Variants in AKAP6 observed in about 807,000 individuals in gnomAD.
AKAP6 encodes A-kinase anchoring protein 6.
A neutral mutation model predicts 188.5 loss-of-function variants in AKAP6; 58 were observed. The observed-to-expected ratio is 0.31, with a 90% CI of 0.25 to 0.38. AKAP6 has a LOEUF of 0.38. Ranked by LOEUF, AKAP6 falls within the 10% of genes least tolerant of loss-of-function variation. The probability of loss-of-function intolerance (pLI) is 1.00; values close to 1 mark genes in which losing one functional copy is unlikely to be tolerated. For missense variants in AKAP6, 2,710 were observed against 2,740.0 expected, an observed-to-expected ratio of 0.99 and a Z score of 0.24; for synonymous variants, 989 against 998.6, an observed-to-expected ratio of 0.99 and a Z score of 0.18.
chr14:32,500,523 A>AT lies in AKAP6; in HGVS notation c.325-35030dup, dbSNP rs1880558433. 4.6e-5 allele frequency among the ~76,000 whole-genome samples: 7 copies of AT among 152,136 alleles called. No individual in the cohort carries two copies. In the South Asian group the frequency reaches 1.4e-3, roughly 31 times the overall value. ...AAGGAGGGCACACTTACTATATGGG[A>AT]TGCATAGGTGCCAATGGTTGAAGTT... On this transcript the variant is annotated intron_variant, in intron 2 of 13. Transcript: ENST00000280979.
At chr14:32,714,113 T>C (rs769197317) in intron 9 of AKAP6, among the ~76,000 whole-genome samples, 1 of 152,028 alleles carries the variant, frequency 6.6e-6, no homozygotes, top group Non-Finnish European at 1.5e-5. Flanking sequence ...CAGAGAGAAC[T>C]GCTGGTGGGT....
At chr14:32,563,988 C>T (rs943902006) in intron 4 of AKAP6, among the ~76,000 whole-genome samples, 4 of 152,186 alleles carry the variant, frequency 2.6e-5, no homozygotes, top group East Asian at 1.9e-4. Context: ...GTGGGGGATT[C>T]GTTCCAAGAC....
At chr14:32,526,814 T>G (rs1178422236) in intron 2 of AKAP6, among the ~76,000 whole-genome samples, 1 of 152,186 alleles carries the variant, frequency 6.6e-6, no homozygotes, top group African/African-American at 2.4e-5. Context: ...CAGTTTAGAT[T>G]CACAGCAAAA....
intron 1 of AKAP6, among the ~76,000 whole-genome samples, chr14:32,430,211 G>A (rs975836311): frequency 5.9e-5 from 9 of 152,086 alleles, no homozygotes; most frequent in African/African-American, 2.2e-4. Flanking sequence ...TGAAATCTCT[G>A]GATAAATAAC....
chr14:32,821,777 AAG>A lies in AKAP6; in HGVS notation c.3967_3968del (p.Leu1324GlnfsTer2). On this transcript the variant is annotated frameshift_variant, in exon 13 of 14. Transcript: ENST00000280979. LOFTEE classifies it high-confidence loss of function. ...CATGACACAGCCTAATGTTTTAACT[AAG>A]AGTCTCAGTAAAGACTCTTCATTTT... ...TGMTQPNVLT[K>X]SLSKDSSFSS... The A allele has an allele frequency of 6.2e-7, 1 of 1,613,902 alleles. No homozygotes were observed. The highest frequency in any genetic ancestry group is 1.3e-5 in the African/African-American group (1 of 75,024).
At chr14:32,423,752 C>T (rs762990145) in intron 1 of AKAP6, among the ~76,000 whole-genome samples, 17 of 151,850 alleles carry the variant, frequency 1.1e-4, no homozygotes, top group Non-Finnish European at 2.2e-4. Context: ...ATTTTTACAA[C>T]GTTTTAACTA....
At chr14:32,694,868 A>C (rs1956208) in intron 8 of AKAP6, among the ~76,000 whole-genome samples, 19,738 of 152,244 alleles carry the variant, frequency 0.13, 1,393 homozygotes, top group African/African-American at 0.15. Flanking sequence ...TAAAATACTC[A>C]ACTGAAAAAT....
At chr14:32,774,335 A>G (rs1308762391) in intron 12 of AKAP6, among the ~76,000 whole-genome samples, 1 of 152,222 alleles carries the variant, frequency 6.6e-6, no homozygotes, top group Non-Finnish European at 1.5e-5. Flanking sequence ...AGATAATACA[A>G]CGAAATAAAG....
intron 8 of AKAP6, among the ~76,000 whole-genome samples, chr14:32,681,677 ATTTT>A (rs34833229): frequency 1.4e-5 from 2 of 138,172 alleles, no homozygotes; most frequent in Admixed American, 7.3e-5. Context: ...AATTTGACAA[ATTTT>A]TTTTTTTTTT....
At chr14:32,731,087 T>C (rs936436222) in intron 9 of AKAP6, among the ~76,000 whole-genome samples, 1 of 152,200 alleles carries the variant, frequency 6.6e-6, no homozygotes, top group Admixed American at 6.6e-5. Flanking sequence ...CATTCATTAA[T>C]AATATGAAAT....
rs1357522572 is a variant in AKAP6 at position 32,536,517 on chromosome 14, A to G, written c.576+712A>G. Among the ~76,000 whole-genome samples the G allele has an allele frequency of 2.0e-5, 3 of 152,226 alleles. No homozygotes were observed. The East Asian group carries it at 5.8e-4, about 29-fold the overall frequency. Reference sequence around the variant, plus strand: ...AGATCATGAAGATAAAGAGCTTTCTAAATCCATATTAAGAGATTTGGACTT... The same window carrying G: ...AGATCATGAAGATAAAGAGCTTTCTGAATCCATATTAAGAGATTTGGACTT... On this transcript the variant is annotated intron_variant, in intron 3 of 13. Coordinates refer to ENST00000280979, the MANE Select transcript of AKAP6 (RefSeq NM_004274.5).
chr14:32,541,171 C>G (rs1882935247), intron 3 of AKAP6, among the ~76,000 whole-genome samples: 2 of 152,072 alleles, frequency 1.3e-5, no homozygotes, highest in African/African-American at 2.4e-5. Context: ...GTTGGCCGGA[C>G]TGATATGGTG....
rs112105958 is a variant in AKAP6 at position 32,635,108 on chromosome 14, A to G, written c.2730+34316A>G. ...GCTAAATAAAGTGTATGTTCTGCCA[A>G]GGTCAAGTTGTATTATTTGAGACCC... On this transcript the variant is annotated intron_variant, in intron 7 of 13. Coordinates refer to ENST00000280979, the MANE Select transcript of AKAP6 (RefSeq NM_004274.5). 5.0e-3 allele frequency among the ~76,000 whole-genome samples: 754 copies of G among 152,156 alleles called. 9 individuals carry two copies. Among genetic ancestry groups the G allele is most frequent in the African/African-American group, 0.017 (700 of 41,538 alleles).
intron 11 of AKAP6, among the ~76,000 whole-genome samples, chr14:32,761,352 T>C (rs957138036): frequency 1.3e-5 from 2 of 152,208 alleles, no homozygotes; most frequent in South Asian, 4.1e-4. Context: ...AGGAAAACTT[T>C]CCTAAAATAC....
At position 32,824,746 on chromosome 14, in the gene AKAP6, A is replaced by G; in HGVS notation, c.6933A>G (p.Glu2311=). The stretch of plus-strand genomic sequence containing the variant: ...AAGAAAATCTTCTAAACCTTCATGA[A>G]AAACGACATAGAAATATGCATAGGT... The part of the protein sequence containing the change: ...TCEENLLNLH[E]KRHRNMHR Residue 2311 remains glutamate (E), a synonymous_variant, in exon 13 of 14, where the codon GAA becomes GAG. Coordinates refer to ENST00000280979, the MANE Select transcript of AKAP6 (RefSeq NM_004274.5). 1 of 1,612,068 alleles carries G rather than the reference A, an allele frequency of 6.2e-7. No homozygotes were observed. Among genetic ancestry groups the G allele is most frequent in the Non-Finnish European group, 8.5e-7 (1 of 1,179,390 alleles).
intron 2 of AKAP6, among the ~76,000 whole-genome samples, chr14:32,466,940 A>G (rs1017612573): frequency 1.3e-5 from 2 of 150,202 alleles, no homozygotes; most frequent in African/African-American, 2.5e-5. Context: ...GACATTTGAT[A>G]ATATAAAGGT....
chr14:32,335,235 G>T (rs1029358423), intron 1 of AKAP6, among the ~76,000 whole-genome samples: 5 of 152,146 alleles, frequency 3.3e-5, no homozygotes, highest in Non-Finnish European at 7.4e-5. Flanking sequence ...TAGTTGCATA[G>T]GGCCCTGCAC....
intron 2 of AKAP6, among the ~76,000 whole-genome samples, chr14:32,483,934 C>G (rs12232175): frequency 0.62 from 93,720 of 150,502 alleles, 30,411 homozygotes; most frequent in East Asian, 0.86. Flanking sequence ...CCTTGCCCCC[C>G]ATCCCCTGAC....
chr14:32,821,621 G>A lies in AKAP6; in HGVS notation c.3808G>A (p.Gly1270Arg), dbSNP rs761825862. The stretch of plus-strand genomic sequence containing the variant: ...TGACGAGGAGGCTGATAACCATGGG[G>A]GATCTCAGTATGCCTCAAATATTAC... Reference protein sequence around the residue: ...GYDEEADNHGGSQYASNITAP... With the variant: ...GYDEEADNHGRSQYASNITAP... The change falls in exon 13 of 14, where the codon GGA (glycine) becomes AGA (arginine). Residue 1270 changes from glycine (G) to arginine (R), a missense_variant. By Grantham distance (125) the Gly-to-Arg change is moderately radical. Around this residue, in one of 2 missense-constraint regions of AKAP6, gnomAD observed 2,473 missense variants for 2,426.1 expected, o/e 1.02. Transcript: ENST00000280979. 3.1e-6 allele frequency: 5 copies of A among 1,613,612 alleles called. No homozygotes were observed. Among genetic ancestry groups the A allele is most frequent in the Non-Finnish European group, 3.4e-6 (4 of 1,179,890 alleles).
Sources: gnomAD v4.1 joint callset for allele counts (sites outside exome capture counted in the v4.1 genomes callset) on GRCh38, gnomAD v4.1.1 for gene constraint, gnomAD v4.1.1 regional missense constraint, MANE v1.5 for transcripts, NCBI Gene and HGNC (gene_info 2026-07-23, HGNC 2026-07-21) for gene names.